Variants in MAP3K15 observed in about 807,000 individuals in gnomAD.
MAP3K15 encodes MAPK/ERK kinase kinase 15.
MAP3K15 carries 124 observed loss-of-function variants against 99.5 expected under a neutral mutation model. The ratio of observed to expected loss-of-function variants is 1.25; its 90% confidence interval spans 1.08 to 1.45. The LOEUF (loss-of-function observed/expected upper bound fraction) is 1.45. Among genes scored for constraint, MAP3K15 ranks in the 40% most tolerant of loss-of-function variants. MAP3K15 has a pLI of 0.00. For synonymous variants in MAP3K15, 494 were observed against 439.6 expected (o/e 1.12, Z -1.55); for missense variants, 1,242 against 1,079.7 (o/e 1.15, Z -2.11).
intron 9 of MAP3K15, among the ~76,000 whole-genome samples, chrX:19,419,873 T>C (rs930116554): frequency 8.9e-6 from 1 of 111,953 alleles, no homozygotes; most frequent in Non-Finnish European, 1.9e-5. Flanking sequence ...CTAGTACTCA[T>C]GATTAAGAAA....
chrX:19,389,600 A>AC (rs1445170380), intron 18 of MAP3K15, among the ~76,000 whole-genome samples: 2 of 111,251 alleles, frequency 1.8e-5, no homozygotes, highest in Non-Finnish European at 3.8e-5. Flanking sequence ...TCCCCCAAAC[A>AC]CCCCTGCATT....
chrX:19,406,393 A>T (rs1381323708), intron 13 of MAP3K15, among the ~76,000 whole-genome samples: 1 of 112,703 alleles, frequency 8.9e-6, no homozygotes, highest in Non-Finnish European at 1.9e-5. Flanking sequence ...CAGCCACAAA[A>T]AGAAATGAAG....
intron 9 of MAP3K15, among the ~76,000 whole-genome samples, chrX:19,418,623 T>C (rs1047325034): frequency 5.4e-5 from 6 of 111,124 alleles, no homozygotes; most frequent in African/African-American, 2.0e-4. Context: ...TGCAGGACAG[T>C]ATCTAGGAGA....
chrX:19,502,044 C>T (rs772078432), intron 1 of MAP3K15, among the ~76,000 whole-genome samples: 45 of 112,302 alleles, frequency 4.0e-4, no homozygotes, highest in African/African-American at 1.4e-3. Flanking sequence ...CTAGCCTGGG[C>T]GACAGAGACT....
chrX:19,412,117 C>G (rs1285261977), intron 11 of MAP3K15, among the ~76,000 whole-genome samples: 2 of 111,971 alleles, frequency 1.8e-5, no homozygotes, highest in African/African-American at 3.2e-5. Context: ...AGAGTCTTGT[C>G]TAACCCACAG....
intron 25 of MAP3K15, among the ~76,000 whole-genome samples, chrX:19,368,034 A>G (rs996321943): frequency 1.2e-4 from 13 of 110,351 alleles, no homozygotes; most frequent in Non-Finnish European, 2.5e-4. Context: ...GGTGTGAGCC[A>G]CTGTGCCCGG....
intron 3 of MAP3K15, among the ~76,000 whole-genome samples, chrX:19,483,100 A>G (rs910628830): frequency 9.2e-6 from 1 of 109,009 alleles, no homozygotes; most frequent in Non-Finnish European, 1.9e-5. Context: ...AAAAAAAAAA[A>G]TACAAAAATT....
At position 19,419,176 on chromosome X, in the gene MAP3K15, T is replaced by G. The variant is rs777643092; in HGVS notation, c.1440-3919A>C. ...TAACATCATAATGACAGAATCAAAT[T>G]CACACATAACAATTTTAACCTTAAA... On this transcript the variant is annotated intron_variant, in intron 9 of 28. Coordinates refer to ENST00000338883, the MANE Select transcript of MAP3K15 (RefSeq NM_001001671.4). 2.8e-4 allele frequency among the ~76,000 whole-genome samples: 31 copies of G among 111,462 alleles called. 1 individual carries two copies. The East Asian group carries it at 7.6e-3, about 27-fold the overall frequency.
Position 19,421,701 on chromosome X carries a change from A to G in MAP3K15, c.1439+3830T>C, listed in dbSNP as rs1287130373. 1.0e-3 allele frequency among the ~76,000 whole-genome samples: 89 copies of G among 89,044 alleles called. 2 individuals are homozygous for G. Among genetic ancestry groups the G allele is most frequent in the African/African-American group, 6.3e-3 (87 of 13,782 alleles). The allele number at this position is 89,044 out of a possible 115,157, so 77.3% of individuals were successfully genotyped here. On this transcript the variant is annotated intron_variant, in intron 9 of 28. Coordinates refer to ENST00000338883, the MANE Select transcript of MAP3K15 (RefSeq NM_001001671.4). ...CTACTTTAAAGTTCATATGGAACCA[A>G]AAAAGAGCCTGCATTGCCAAGACAA...
rs375705172 is a variant in MAP3K15, at chrX:19,429,175, C to G, written c.1166+2263G>C. Among the ~76,000 whole-genome samples, 136 of 110,593 alleles carry G rather than the reference C, an allele frequency of 1.2e-3. 1 individual carries two copies. The highest frequency in any genetic ancestry group is 4.4e-3 in the African/African-American group (133 of 30,484). ...ACACCTAGAATGGTGATCTGAGAGT[C>G]TGAATTTTTATATAGCAGGGAGCAG... On this transcript the variant is annotated intron_variant, in intron 7 of 28. Coordinates refer to ENST00000338883, the MANE Select transcript of MAP3K15 (RefSeq NM_001001671.4).
At chrX:19,428,671 A>G (rs73193529) in intron 7 of MAP3K15, among the ~76,000 whole-genome samples, 80 of 112,239 alleles carry the variant, frequency 7.1e-4, no homozygotes, top group Non-Finnish European at 1.3e-3. Context: ...TGGCATAAAA[A>G]TAAAGAGAAA....
intron 6 of MAP3K15, among the ~76,000 whole-genome samples, chrX:19,454,103 A>G (rs1047001675): frequency 2.7e-5 from 3 of 111,565 alleles, no homozygotes; most frequent in Non-Finnish European, 5.7e-5. Context: ...TTATTTACAG[A>G]ACGACATATT....
At position 19,415,245 on chromosome X, in the gene MAP3K15, T is replaced by C. The variant is rs758253926; in HGVS notation, c.1452A>G (p.Ser484=). The C allele has an allele frequency of 1.7e-6, 2 of 1,170,932 alleles. No individual in the cohort carries two copies. Among genetic ancestry groups the C allele is most frequent in the Non-Finnish European group, 1.1e-6 (1 of 881,407 alleles). The part of the protein sequence containing the change: ...KLKPPVWYLR[S]LVQNLLLIRR... ...GAATTAGTAACAAGTTCTGAACTAA[T>C]GATCGCAGGTACCTGGAAAAATCAC... Residue 484 remains serine, a synonymous_variant, in exon 10 of 29, where the codon TCA becomes TCG. Coordinates refer to ENST00000338883, the MANE Select transcript of MAP3K15 (RefSeq NM_001001671.4).
At chrX:19,419,994 G>T (rs192356498) in intron 9 of MAP3K15, among the ~76,000 whole-genome samples, 4,118 of 111,564 alleles carry the variant, frequency 0.037, 191 homozygotes, top group African/African-American at 0.13. Context: ...AAACCAATGA[G>T]AAAAAAGACA....
intron 21 of MAP3K15, chrX:19,373,182 C>A: frequency 4.9e-6 from 1 of 203,918 alleles, no homozygotes; most frequent in Non-Finnish European, 8.4e-6. Context: ...GGAGGAGGGG[C>A]CAGGAGGAGG....
Position 19,403,513 on chromosome X carries a change from C to T in MAP3K15, c.1845-2850G>A, listed in dbSNP as rs2063624650. Among the ~76,000 whole-genome samples the T allele has an allele frequency of 3.0e-5, 3 of 99,279 alleles. No homozygotes were observed. In the Admixed American group the frequency reaches 3.4e-4, roughly 11 times the overall value. 86.2% of individuals were successfully genotyped at this position (99,279 alleles called of 115,157 possible). A position where few individuals can be genotyped will look rare whatever the true frequency, so the allele number is the denominator to read the frequency against. On this transcript the variant is annotated intron_variant, in intron 13 of 28. Coordinates refer to ENST00000338883, the MANE Select transcript of MAP3K15 (RefSeq NM_001001671.4). Reference sequence around the variant, plus strand: ...TTGCTCTGTCGCCCAGGCTGGAGTGCAGTGGCATGATCACCACTCACCACA... The same window carrying T: ...TTGCTCTGTCGCCCAGGCTGGAGTGTAGTGGCATGATCACCACTCACCACA...
intron 3 of MAP3K15, among the ~76,000 whole-genome samples, chrX:19,485,308 CAAAAAAAAAA>C (rs368987947): frequency 1.3e-4 from 1 of 7,934 alleles, no homozygotes; most frequent in Admixed American, 2.2e-3. Flanking sequence ...GACTCTGTCT[CAAAAAAAAAA>C]AAAAAAAAAA....
chrX:19,422,096 A>T (rs1479812949), intron 9 of MAP3K15, among the ~76,000 whole-genome samples: 2 of 110,148 alleles, frequency 1.8e-5, no homozygotes, highest in Admixed American at 9.7e-5. Flanking sequence ...AACCTAGGCA[A>T]TACCATTCAG....
intron 1 of MAP3K15, among the ~76,000 whole-genome samples, chrX:19,503,781 T>C (rs1396170286): frequency 1.8e-5 from 2 of 109,543 alleles, no homozygotes; most frequent in Admixed American, 9.8e-5. Context: ...CAGGAGCAAA[T>C]GCACATGTGG....
Sources: allele counts gnomAD v4.1 joint callset (sites outside exome capture counted in the v4.1 genomes callset), GRCh38; gene constraint gnomAD v4.1.1; transcripts MANE v1.5; gene names NCBI Gene and HGNC (gene_info 2026-07-23, HGNC 2026-07-21).